IL4R: variants seen among roughly 807,000 people sequenced by gnomAD.
IL4R encodes the protein interleukin 4 receptor.
Under a neutral mutation model 41.5 loss-of-function variants are expected in IL4R, and 17 were observed. That is an observed-to-expected ratio of 0.41 (90% CI 0.28 to 0.61). The LOEUF (loss-of-function observed/expected upper bound fraction) is 0.61. IL4R is among the 20% of genes least tolerant of loss of function. The pLI is 0.31. For missense variants in IL4R, 974 were observed against 1,043.1 expected (o/e 0.93, Z 0.91); for synonymous variants, 402 against 422.9 (o/e 0.95, Z 0.61).
chr16:27,332,702 T>C (rs1355560487), intron 2 of IL4R, among the ~76,000 whole-genome samples: 1 of 152,026 alleles, frequency 6.6e-6, no homozygotes, highest in South Asian at 2.1e-4. Context: ...TGTATTTTTT[T>C]CTTCTGCTTG....
chr16:27,358,843 C>G (rs1409645151), intron 8 of IL4R, 73 bp from the exon 9 acceptor site: 1 of 1,170,042 alleles, frequency 8.5e-7, no homozygotes, highest in African/African-American at 1.5e-5. Flanking sequence ...TTGGTGATAA[C>G]GACCACTTTT....
At chr16:27,358,037 G>C (rs2141204543) in intron 8 of IL4R, among the ~76,000 whole-genome samples, 1 of 152,258 alleles carries the variant, frequency 6.6e-6, no homozygotes, top group East Asian at 1.9e-4. Context: ...GGGATTGCAG[G>C]CGCCTGCCAC....
chr16:27,361,977 T>A (rs560990527), intron 10 of IL4R, among the ~76,000 whole-genome samples: 1 of 152,290 alleles, frequency 6.6e-6, no homozygotes, highest in Non-Finnish European at 1.5e-5. Context: ...TTAATTATCA[T>A]CATCCATAAA....
At position 27,346,540 on chromosome 16, in the gene IL4R, C is replaced by G. The variant is rs758782813; in HGVS notation, c.435C>G (p.Asn145Lys). Residue 145 changes from asparagine to lysine, a missense_variant, in exon 6 of 11, where the codon AAC (asparagine) becomes AAG (lysine). Asn to Lys is a moderately conservative substitution (Grantham distance 94). Transcript: ENST00000395762. ...VSDTLLLTWS[N>K]PYPPDNYLYN... ...ACACTCTGCTGCTGACCTGGAGCAA[C>G]CCGTATCCCCCTGACAATTACCTGT... 6.2e-7 allele frequency: 1 copy of G among 1,614,144 alleles called. No individual in the cohort carries two copies. Among genetic ancestry groups the G allele is most frequent in the Admixed American group, 1.7e-5 (1 of 60,030 alleles).
At position 27,342,269 on chromosome 16, in the gene IL4R, C is replaced by T. The variant is rs557965548; in HGVS notation, c.209+10C>T. The stretch of plus-strand genomic sequence containing the variant: ...TTTTTCTGCTCTCCGAGTAAGCCTG[C>T]GCTGGAGCTGGAGGTTTGGGGAGGT... On this transcript the variant is annotated intron_variant, in intron 4 of 10. Transcript: ENST00000395762. 1.7e-5 allele frequency: 27 copies of T among 1,614,020 alleles called. No individual in the cohort carries two copies. The highest frequency in any genetic ancestry group is 9.3e-5 in the African/African-American group (7 of 75,058).
intron 1 of IL4R, among the ~76,000 whole-genome samples, chr16:27,327,320 C>T (rs1398055449): frequency 1.3e-5 from 2 of 152,172 alleles, no homozygotes; most frequent in African/African-American, 4.8e-5. Context: ...GCCCCCTGCC[C>T]CCCTGCCACC....
chr16:27,346,924 G>A (rs1195047732), intron 6 of IL4R, among the ~76,000 whole-genome samples: 2 of 152,226 alleles, frequency 1.3e-5, no homozygotes, highest in Non-Finnish European at 2.9e-5. Context: ...ATCGTAGGTG[G>A]CACATTGACA....
Position 27,362,738 on chromosome 16 carries a change from G to A in IL4R, c.1386G>A (p.Glu462=). The A allele has an allele frequency of 6.2e-7, 1 of 1,614,050 alleles. No individual in the cohort carries two copies. The highest frequency in any genetic ancestry group is 8.5e-7 in the Non-Finnish European group (1 of 1,180,008). ...GPKEAPPWGK[E]QPLHLEPSPP... ...AGGAGGCACCTCCCTGGGGCAAGGA[G>A]CAGCCTCTCCACCTGGAGCCAAGTC... Residue 462 remains glutamate (E), a synonymous_variant, in exon 11 of 11, where the codon GAG becomes GAA. Transcript: ENST00000395762.
At chr16:27,318,576 G>A (rs2084715349) in intron 1 of IL4R, 1 of 152,254 alleles carries the variant, frequency 6.6e-6, no homozygotes, top group African/African-American at 2.4e-5. Context: ...GCCTTTCCAA[G>A]AAGTGCTGAT....
chr16:27,361,137 A>G (rs2086269020), intron 10 of IL4R: 3 of 765,348 alleles, frequency 3.9e-6, no homozygotes, highest in South Asian at 3.0e-5. Context: ...TATCCTGAAC[A>G]CTCCCCTCCT....
intron 9 of IL4R, among the ~76,000 whole-genome samples, chr16:27,360,549 A>T (rs2141214092): frequency 6.6e-6 from 1 of 152,244 alleles, no homozygotes; most frequent in African/African-American, 2.4e-5. Context: ...GATTCAGAGC[A>T]CTCCTCTGTG....
At chr16:27,350,041 G>A (rs2283560) in intron 6 of IL4R, among the ~76,000 whole-genome samples, 13,709 of 152,138 alleles carry the variant, frequency 0.09, 663 homozygotes, top group East Asian at 0.17. Flanking sequence ...TTGAGCCACC[G>A]CATCCAGCCC....
chr16:27,325,573 C>CAA (rs113055103), intron 1 of IL4R, among the ~76,000 whole-genome samples: 1 of 122,622 alleles, frequency 8.2e-6, no homozygotes, highest in South Asian at 2.5e-4. Context: ...GACTCTGTCT[C>CAA]AAAAAAAAAA....
At chr16:27,353,891 C>T (rs1420632359) in intron 7 of IL4R, among the ~76,000 whole-genome samples, 1 of 152,160 alleles carries the variant, frequency 6.6e-6, no homozygotes, top group Non-Finnish European at 1.5e-5. Context: ...TCTCAGACCC[C>T]TGAATTCTAC....
At position 27,364,696 on chromosome 16, in the gene IL4R, C is replaced by G. The variant is rs2086439837; in HGVS notation, c.*866C>G. 1.3e-5 allele frequency: 2 copies of G among 152,254 alleles called. No individual in the cohort carries two copies. The highest frequency in any genetic ancestry group is 1.3e-4 in the Admixed American group (2 of 15,292). 9.4% of individuals were successfully genotyped at this position (152,254 alleles called of 1,614,324 possible). On this transcript the variant is annotated 3_prime_UTR_variant, in exon 11 of 11. Coordinates refer to ENST00000395762, the MANE Select transcript of IL4R (RefSeq NM_000418.4). ...AATGCTCGTCTGTGTGTTTTAGTTT[C>G]ATCACCTGTTATCTGTGTTTGCTGA...
intron 1 of IL4R, among the ~76,000 whole-genome samples, chr16:27,319,136 G>C (rs904946966): frequency 6.6e-6 from 1 of 152,172 alleles, no homozygotes; most frequent in Non-Finnish European, 1.5e-5. Flanking sequence ...GAGTGCAAAG[G>C]CCCAGAGGCA....
At chr16:27,358,595 G>T (rs1039607554) in intron 8 of IL4R, among the ~76,000 whole-genome samples, 1 of 152,164 alleles carries the variant, frequency 6.6e-6, no homozygotes, top group Non-Finnish European at 1.5e-5. Flanking sequence ...ATCCCCTGGG[G>T]TCTCATTCCC....
chr16:27,327,136 C>T (rs2084977625), intron 1 of IL4R, among the ~76,000 whole-genome samples: 2 of 152,266 alleles, frequency 1.3e-5, no homozygotes, highest in South Asian at 4.1e-4. Flanking sequence ...GGCTCCAAAG[C>T]CCCAGCCCCC....
At chr16:27,351,509 TC>T (rs1468333559) in intron 6 of IL4R, among the ~76,000 whole-genome samples, 4 of 103,962 alleles carry the variant, frequency 3.8e-5, no homozygotes, top group Admixed American at 2.8e-4. Flanking sequence ...TCTCTCTCTC[TC>T]TTTTTTTTTT....
Sources: allele counts gnomAD v4.1 joint callset (sites outside exome capture counted in the v4.1 genomes callset), GRCh38; gene constraint gnomAD v4.1.1; transcripts MANE v1.5; gene names NCBI Gene and HGNC (gene_info 2026-07-23, HGNC 2026-07-21).